GRM3: variants seen among roughly 807,000 people sequenced by gnomAD.
GRM3 encodes metabotropic glutamate receptor 3.
Under a neutral mutation model 70.5 loss-of-function variants are expected in GRM3, and 26 were observed. That is an observed-to-expected ratio of 0.37 (90% CI 0.27 to 0.51). GRM3 has a LOEUF of 0.51. GRM3 is among the 20% of genes least tolerant of loss of function. The pLI, the probability that GRM3 is intolerant of heterozygous loss-of-function variation, is 0.93. For missense variants in GRM3, 859 were observed against 1,123.8 expected (o/e 0.76, Z 3.37); for synonymous variants, 443 against 434.9 (o/e 1.02, Z -0.23).
intron 3 of GRM3, among the ~76,000 whole-genome samples, chr7:86,827,464 A>G (rs936304765): frequency 1.3e-5 from 2 of 152,124 alleles, no homozygotes; most frequent in African/African-American, 4.8e-5. Context: ...TTCACAACAC[A>G]TATATCTGAA....
intron 1 of GRM3, among the ~76,000 whole-genome samples, chr7:86,759,666 A>G (rs1796431361): frequency 6.6e-6 from 1 of 152,160 alleles, no homozygotes; most frequent in Non-Finnish European, 1.5e-5. Flanking sequence ...TATGATCCTC[A>G]TGATAAACAT....
At chr7:86,713,400 GTTAA>G (rs1207885103) in intron 1 of GRM3, among the ~76,000 whole-genome samples, 3 of 151,944 alleles carry the variant, frequency 2.0e-5, no homozygotes, top group African/African-American at 7.2e-5. Context: ...GCTCCTCTTT[GTTAA>G]TTGTGTTCAA....
At chr7:86,649,041 G>A (rs1053516354) in intron 1 of GRM3, among the ~76,000 whole-genome samples, 6 of 152,182 alleles carry the variant, frequency 3.9e-5, no homozygotes, top group South Asian at 4.1e-4. Context: ...AGCATTCGAC[G>A]GTACATGGAA....
At chr7:86,776,266 C>T (rs1447375052) in intron 2 of GRM3, among the ~76,000 whole-genome samples, 3 of 152,082 alleles carry the variant, frequency 2.0e-5, no homozygotes, top group Non-Finnish European at 4.4e-5. Context: ...GAAATTGCAG[C>T]TTAAGGAGTT....
At chr7:86,761,247 G>A (rs1796473259) in intron 1 of GRM3, among the ~76,000 whole-genome samples, 1 of 152,068 alleles carries the variant, frequency 6.6e-6, no homozygotes, top group Non-Finnish European at 1.5e-5. Flanking sequence ...TGTCTCTGAG[G>A]CTTTGAGATA....
intron 1 of GRM3, among the ~76,000 whole-genome samples, chr7:86,722,191 A>G (rs939433289): frequency 1.3e-5 from 2 of 152,022 alleles, no homozygotes; most frequent in African/African-American, 4.8e-5. Flanking sequence ...ATCTTGGGTT[A>G]TTCTCAGAAA....
intron 4 of GRM3, among the ~76,000 whole-genome samples, chr7:86,843,794 T>A (rs1261827934): frequency 6.6e-6 from 1 of 152,140 alleles, no homozygotes; most frequent in Non-Finnish European, 1.5e-5. Flanking sequence ...AGATGGAGCA[T>A]AAATAATGAA....
Position 86,839,281 on chromosome 7 carries a change from G to A in GRM3, c.1767G>A (p.Met589Ile), listed in dbSNP as rs747887458. ...GPVTIACLGFMCTCMVVTVFI... is the reference protein window; with the variant it reads ...GPVTIACLGFICTCMVVTVFI... ...TCACCATTGCCTGTCTGGGTTTTAT[G>A]TGTACATGCATGGTTGTAACTGTTT... Residue 589 changes from methionine to isoleucine, a missense_variant, in exon 4 of 6, where the codon ATG becomes ATA. By Grantham distance (10) the Met-to-Ile change is conservative (BLOSUM62 1). Transcript: ENST00000361669. This position sits in a 1 kb window ranked among gnomAD's most constrained non-coding sequence, Gnocchi z 4.5. The A allele has an allele frequency of 6.2e-7, 1 of 1,613,730 alleles. No homozygotes were observed.
intron 1 of GRM3, among the ~76,000 whole-genome samples, chr7:86,668,768 A>G (rs1245610844): frequency 1.3e-5 from 2 of 152,108 alleles, no homozygotes; most frequent in Non-Finnish European, 2.9e-5. Context: ...TAGACTGTCT[A>G]CCCAACCAAA....
At position 86,764,126 on chromosome 7, in the gene GRM3, G is replaced by A. The variant is rs141082118; in HGVS notation, c.-140-880G>A. On this transcript the variant is annotated intron_variant, in intron 1 of 5. Coordinates refer to ENST00000361669, the MANE Select transcript of GRM3 (RefSeq NM_000840.3). ...GCAGACTTTGAGGTGTCTGAAGGAT[G>A]TGTGGGTAAAGCTGTTTAACAGGCA... Among the ~76,000 whole-genome samples the A allele has an allele frequency of 9.9e-5, 15 of 152,272 alleles. No homozygotes were observed. The East Asian group carries it at 2.9e-3, about 29-fold the overall frequency.
At chr7:86,805,250 G>T (rs967002496) in intron 3 of GRM3, among the ~76,000 whole-genome samples, 1 of 152,146 alleles carries the variant, frequency 6.6e-6, no homozygotes, top group Non-Finnish European at 1.5e-5. Flanking sequence ...ATATATTATA[G>T]ACCTTTTTTT....
chr7:86,815,994 T>TATTCGTATA (rs1798007203), intron 3 of GRM3, among the ~76,000 whole-genome samples: 1 of 151,888 alleles, frequency 6.6e-6, no homozygotes, highest in Admixed American at 6.6e-5. Context: ...TTGACTCTAT[T>TATTCGTATA]ATTCGTATAA....
intron 2 of GRM3, among the ~76,000 whole-genome samples, chr7:86,777,349 G>A (rs1324938043): frequency 6.6e-6 from 1 of 152,116 alleles, no homozygotes; most frequent in Non-Finnish European, 1.5e-5. Context: ...GAGAGACTTG[G>A]GATGGAAAGC....
At chr7:86,742,907 T>C (rs983188216) in intron 1 of GRM3, among the ~76,000 whole-genome samples, 1 of 152,166 alleles carries the variant, frequency 6.6e-6, no homozygotes, top group Non-Finnish European at 1.5e-5. Flanking sequence ...TATATGTGAC[T>C]TGGGTTTTTA....
In GRM3 at chr7:86,665,344, T is replaced by C. The variant is rs572540416; in HGVS notation, c.-141+20472T>C. Among the ~76,000 whole-genome samples the C allele has an allele frequency of 1.2e-4, 19 of 152,168 alleles. No individual in the cohort carries two copies. The East Asian group carries it at 2.9e-3, about 23-fold the overall frequency. On this transcript the variant is annotated intron_variant, in intron 1 of 5. Coordinates refer to ENST00000361669, the MANE Select transcript of GRM3 (RefSeq NM_000840.3). ...TCACAATGTTGCTCACATGAAAATA[T>C]AAGTATAAAAATATATTTGTAATAT...
chr7:86,677,794 A>C (rs1357273639), intron 1 of GRM3, among the ~76,000 whole-genome samples: 2 of 151,940 alleles, frequency 1.3e-5, no homozygotes, highest in Non-Finnish European at 2.9e-5. Context: ...GCCCGCAAAG[A>C]ATGGGAAACT....
chr7:86,774,512 C>A (rs1348178404), intron 2 of GRM3, among the ~76,000 whole-genome samples: 1 of 152,032 alleles, frequency 6.6e-6, no homozygotes, highest in Non-Finnish European at 1.5e-5. Context: ...TTGATTCTTG[C>A]CAACACTTTG....
intron 3 of GRM3, among the ~76,000 whole-genome samples, chr7:86,824,830 A>T (rs1450376975): frequency 1.3e-5 from 2 of 152,042 alleles, no homozygotes; most frequent in African/African-American, 4.8e-5. Context: ...ATATATACAG[A>T]TAGATAGATA....
At chr7:86,848,790 T>C (rs1298581916) in intron 4 of GRM3, among the ~76,000 whole-genome samples, 5 of 152,130 alleles carry the variant, frequency 3.3e-5, no homozygotes, top group Admixed American at 6.6e-5. Context: ...GCAATGCCAA[T>C]AGAGCAACTA....
Sources: gnomAD v4.1 joint callset for allele counts (sites outside exome capture counted in the v4.1 genomes callset) on GRCh38, gnomAD v4.1.1 for gene constraint, Gnocchi (gnomAD v3.1) non-coding constraint, MANE v1.5 for transcripts, NCBI Gene and HGNC (gene_info 2026-07-23, HGNC 2026-07-21) for gene names.